The following JMY variants were observed in gnomAD, a reference collection of about 807,000 sequenced individuals.
The protein encoded by JMY is junction mediating and regulatory protein, p53 cofactor, also known as junction-mediating and -regulatory protein.
In JMY, 46 loss-of-function variants were observed where a neutral mutation model predicts 103.3. The ratio of observed to expected loss-of-function variants is 0.45; its 90% CI spans 0.35 to 0.57. The LOEUF is 0.57. JMY is among the 20% of genes least tolerant of loss of function. JMY has a pLI of 0.00. For synonymous variants in JMY, 526 were observed against 489.3 expected, an observed-to-expected ratio of 1.07 and a Z score of -0.99; for missense variants, 1,238 against 1,255.2, an observed-to-expected ratio of 0.99 and a Z score of 0.21.
rs578219453 is a variant in JMY, at chr5:79,246,217, A to G, written c.1032+8535A>G. 5.3e-5 allele frequency among the ~76,000 whole-genome samples: 8 copies of G among 152,296 alleles called. 1 individual carries two copies. In the South Asian group the frequency reaches 1.7e-3, roughly 32 times the overall value. On this transcript the variant is annotated intron_variant, in intron 1 of 10. Transcript: ENST00000396137. The stretch of plus-strand genomic sequence containing the variant: ...ACTGAAAGTTATACTTGCAAAGTGA[A>G]TGCTTACTTATTAAAATTATTTCTC...
intron 1 of JMY, among the ~76,000 whole-genome samples, chr5:79,257,831 C>A (rs1464828168): frequency 6.6e-6 from 1 of 151,940 alleles, no homozygotes; most frequent in Non-Finnish European, 1.5e-5. Flanking sequence ...GGTGCAGTCT[C>A]GACTCACTGC....
At chr5:79,245,795 T>G (rs999945303) in intron 1 of JMY, among the ~76,000 whole-genome samples, 3 of 152,096 alleles carry the variant, frequency 2.0e-5, no homozygotes, top group Non-Finnish European at 2.9e-5. Flanking sequence ...CCAGCTAATT[T>G]TTGTATTTTT....
At chr5:79,294,009 G>T (rs900555442) in intron 4 of JMY, among the ~76,000 whole-genome samples, 9 of 152,200 alleles carry the variant, frequency 5.9e-5, no homozygotes, top group Non-Finnish European at 1.2e-4. Context: ...AGGATTAGGA[G>T]TAGAGTATAT....
intron 1 of JMY, among the ~76,000 whole-genome samples, chr5:79,260,879 A>G (rs1188834065): frequency 1.3e-5 from 2 of 152,180 alleles, no homozygotes; most frequent in African/African-American, 4.8e-5. Context: ...CAGTAGGGGA[A>G]ACAGACCAAA....
In JMY at chr5:79,290,124, T is replaced by G; in HGVS notation, c.1210T>G (p.Ser404Ala). The G allele has an allele frequency of 1.3e-6, 2 of 1,571,530 alleles. No individual in the cohort carries two copies. The highest frequency in any genetic ancestry group is 1.7e-6 in the Non-Finnish European group (2 of 1,163,236). Residue 404 changes from serine (S) to alanine (A), a missense_variant, in exon 3 of 11, where the codon TCC becomes GCC. Coordinates refer to ENST00000396137, the MANE Select transcript of JMY (RefSeq NM_152405.5). ...AMLRRQQIKI[S>A]MENDYLGPRR... ...TTTTTTCTTTTTCTCTCTGAAGATT[T>G]CCATGGAGAATGATTATCTGGGACC... is the stretch of plus-strand genomic sequence containing the variant.
At chr5:79,268,682 G>A (rs1745656299) in intron 1 of JMY, among the ~76,000 whole-genome samples, 1 of 151,882 alleles carries the variant, frequency 6.6e-6, no homozygotes, top group Admixed American at 6.6e-5. Context: ...TAGAGACGGG[G>A]TTTCACCATG....
In JMY at chr5:79,236,845, A is replaced by G; in HGVS notation, c.195A>G (p.Arg65=). The change falls in exon 1 of 11, where the codon CGA becomes CGG. Residue 65 remains arginine (R), a synonymous_variant. Transcript: ENST00000396137. ...RSGSREQAGA[R]GGAEAGGAAS... is the part of the protein sequence containing the mutation. ...GCTCCCGGGAGCAAGCGGGGGCGCG[A>G]GGGGGCGCCGAGGCCGGCGGAGCTG... is the stretch of plus-strand genomic sequence containing the variant. 6.9e-7 allele frequency: 1 copy of G among 1,449,520 alleles called. No individual in the cohort carries two copies. The highest frequency in any genetic ancestry group is 1.4e-5 in the South Asian group (1 of 69,264). 89.8% of individuals were successfully genotyped at this position (1,449,520 alleles called of 1,614,324 possible).
At chr5:79,285,273 AC>A (rs1202588841) in intron 2 of JMY, among the ~76,000 whole-genome samples, 2 of 151,682 alleles carry the variant, frequency 1.3e-5, no homozygotes, top group African/African-American at 2.4e-5. Context: ...AGAAAACTGC[AC>A]CCCCTGCCCC....
At chr5:79,281,877 C>G (rs1048576786) in intron 2 of JMY, among the ~76,000 whole-genome samples, 1 of 152,116 alleles carries the variant, frequency 6.6e-6, no homozygotes, top group Non-Finnish European at 1.5e-5. Context: ...GAAAAGACAT[C>G]TAACACAAAG....
chr5:79,274,468 C>T (rs1410166417), intron 1 of JMY, among the ~76,000 whole-genome samples: 3 of 151,918 alleles, frequency 2.0e-5, no homozygotes, highest in Non-Finnish European at 2.9e-5. Context: ...AGTGCAGTGG[C>T]ATGATCTCAG....
intron 1 of JMY, among the ~76,000 whole-genome samples, chr5:79,259,990 C>T (rs1745371552): frequency 6.6e-6 from 1 of 152,196 alleles, no homozygotes. Context: ...CCTCAGGGCC[C>T]CTCTCTGCCT....
At chr5:79,242,017 T>A (rs1744756910) in intron 1 of JMY, among the ~76,000 whole-genome samples, 1 of 152,208 alleles carries the variant, frequency 6.6e-6, no homozygotes, top group Non-Finnish European at 1.5e-5. Context: ...ATTCTCAAGA[T>A]GATTAACTGT....
intron 1 of JMY, among the ~76,000 whole-genome samples, chr5:79,267,716 G>T (rs1736895089): frequency 6.6e-6 from 1 of 152,188 alleles, no homozygotes; most frequent in African/African-American, 2.4e-5. Context: ...TGCCCACCCA[G>T]CTCATTTCTT....
intron 7 of JMY, among the ~76,000 whole-genome samples, chr5:79,309,866 G>A (rs1655390154): frequency 6.6e-6 from 1 of 152,006 alleles, no homozygotes; most frequent in African/African-American, 2.4e-5. Flanking sequence ...ATAACCATTT[G>A]TACTTGCATT....
In JMY at chr5:79,305,279, G is replaced by A. The variant is rs566586701; in HGVS notation, c.1882-1096G>A. ...AATCTGGCCAACATGGTGAAACCCC[G>A]TCTCTACTAAAAATACAAAAAAATT... is the stretch of plus-strand genomic sequence containing the variant. On this transcript the variant is annotated intron_variant, in intron 6 of 10. Transcript: ENST00000396137. Among the ~76,000 whole-genome samples the A allele has an allele frequency of 5.9e-5, 9 of 152,026 alleles. No homozygotes were observed. In the East Asian group the frequency reaches 1.7e-3, roughly 29 times the overall value.
chr5:79,324,440 ATTTCC>A lies in JMY; in HGVS notation c.*2839_*2843del, dbSNP rs1747565341. ...TTATGCTGAGTCAATTTAGAAGTTA[ATTTCC>A]AATCTAGTCTCAACTGCAATGCATT... is the stretch of plus-strand genomic sequence containing the variant. On this transcript the variant is annotated 3_prime_UTR_variant, in exon 11 of 11. Coordinates refer to ENST00000396137, the MANE Select transcript of JMY (RefSeq NM_152405.5). 6.6e-6 allele frequency: 1 copy of A among 152,208 alleles called. No homozygotes were observed. Among genetic ancestry groups the A allele is most frequent in the African/African-American group, 2.4e-5 (1 of 41,450 alleles). 9.4% of individuals were successfully genotyped at this position (152,208 alleles called of 1,614,324 possible). A position where few individuals can be genotyped will look rare whatever the true frequency, so the allele number is the denominator to read the frequency against.
chr5:79,257,742 G>A (rs1223998031), intron 1 of JMY, among the ~76,000 whole-genome samples: 1 of 152,078 alleles, frequency 6.6e-6, no homozygotes, highest in Non-Finnish European at 1.5e-5. Flanking sequence ...TGCATTGTAA[G>A]TCCCTAAGAG....
chr5:79,240,203 A>G (rs1446114957), intron 1 of JMY, among the ~76,000 whole-genome samples: 3 of 151,574 alleles, frequency 2.0e-5, no homozygotes, highest in Admixed American at 6.6e-5. Context: ...TTTAGTAGAG[A>G]TGGGGTTTTA....
intron 8 of JMY, 24 bp downstream of exon 8, chr5:79,312,522 AT>A: frequency 9.0e-7 from 1 of 1,114,166 alleles, no homozygotes; most frequent in Non-Finnish European, 1.2e-6. Flanking sequence ...TGGTCCATTT[AT>A]TGTTTTTCTT....
Sources: allele counts gnomAD v4.1 joint callset (sites outside exome capture counted in the v4.1 genomes callset), GRCh38; gene constraint gnomAD v4.1.1; transcripts MANE v1.5; gene names NCBI Gene and HGNC (gene_info 2026-07-23, HGNC 2026-07-21).